ANKRD40: variants seen among roughly 807,000 people sequenced by gnomAD.
ANKRD40 encodes the protein ankyrin repeat domain 40.
ANKRD40 carries 24 observed loss-of-function variants against 35.5 expected under a neutral mutation model. That is an observed-to-expected ratio of 0.68 (90% CI 0.49 to 0.95). The LOEUF is 0.95. Among genes scored for constraint, ANKRD40 ranks in the 40% least tolerant of loss-of-function variants. The pLI is 0.00. For synonymous variants in ANKRD40, 147 were observed against 173.5 expected (o/e 0.85, Z 1.20); for missense variants, 361 against 436.0 (o/e 0.83, Z 1.53).
chr17:50,699,949 G>A (rs1968250387), intron 2 of ANKRD40, 56 bp from the exon 3 acceptor site: 1 of 1,404,312 alleles, frequency 7.1e-7, no homozygotes, highest in Admixed American at 3.0e-5. Context: ...ATCAAAACAA[G>A]GTGTCTTTTG....
In ANKRD40 at chr17:50,695,401, C is replaced by T. The variant is rs1968186982; in HGVS notation, c.*596G>A. On this transcript the variant is annotated 3_prime_UTR_variant, in exon 5 of 5. Coordinates refer to ENST00000285243, the MANE Select transcript of ANKRD40 (RefSeq NM_052855.4). ...TAACAGCATATTTACAATTAGTTAA[C>T]TGTATTCTTAAATACTTTTAACCTG... 1 of 152,648 alleles carries T rather than the reference C, an allele frequency of 6.6e-6. No individual in the cohort carries two copies. The highest frequency in any genetic ancestry group is 2.1e-4 in the South Asian group (1 of 4,832). The allele number at this position is 152,648 out of a possible 1,614,324, so 9.5% of individuals were successfully genotyped here. A position where few individuals can be genotyped will look rare whatever the true frequency, so the allele number is the denominator to read the frequency against.
rs1358696829 is a variant in ANKRD40 at position 50,699,543 on chromosome 17, G to T, written c.634C>A (p.Pro212Thr). 4 of 1,614,092 alleles carry T rather than the reference G, an allele frequency of 2.5e-6. No individual in the cohort carries two copies. The Admixed American group carries it at 6.7e-5, about 27-fold the overall frequency. Reference sequence around the variant, plus strand: ...AACAGGGAGCGGCTCTGACTCACTGGTGGCTGACAAACAGGACCCGGTTTT... The same window carrying T: ...AACAGGGAGCGGCTCTGACTCACTGTTGGCTGACAAACAGGACCCGGTTTT... ...STKPGPVCQP[P>T]VSQSRSLFSS... The change falls in exon 3 of 5, where the codon CCA becomes ACA. Residue 212 changes from proline (P) to threonine (T), a missense_variant. Transcript: ENST00000285243.
intron 1 of ANKRD40, among the ~76,000 whole-genome samples, chr17:50,705,649 AG>A (rs1428504074): frequency 6.8e-6 from 1 of 147,626 alleles, no homozygotes; most frequent in Non-Finnish European, 1.5e-5. Context: ...AGGTCCTACC[AG>A]GAAGATAGAC....
intron 2 of ANKRD40, 160 bp downstream of exon 2, chr17:50,700,408 A>G: frequency 1.4e-6 from 1 of 737,552 alleles, no homozygotes; most frequent in Non-Finnish European, 2.1e-6. Context: ...ACGCCACTGC[A>G]CTCCAGCCTG....
intron 1 of ANKRD40, among the ~76,000 whole-genome samples, chr17:50,704,592 A>G (rs896532354): frequency 3.3e-5 from 5 of 151,052 alleles, no homozygotes; most frequent in Non-Finnish European, 7.4e-5. Flanking sequence ...AACACCTCCT[A>G]TGGGGCAGAC....
chr17:50,707,670 G>C lies in ANKRD40; in HGVS notation c.-16C>G, dbSNP rs770775422. ...GGGCGTTCATCTTCCCACAGCCCCA[G>C]GCCCCCGCCCAGGCCCGCCTGCCCC... On this transcript the variant is annotated 5_prime_UTR_variant, in exon 1 of 5. Transcript: ENST00000285243. The surrounding 1 kb of genome is among the most constrained non-coding windows in gnomAD (Gnocchi z 4.8). 1 of 1,510,110 alleles carries C rather than the reference G, an allele frequency of 6.6e-7. No homozygotes were observed. The highest frequency in any genetic ancestry group is 1.2e-5 in the South Asian group (1 of 80,814). The allele number at this position is 1,510,110 out of a possible 1,614,324, so 93.5% of individuals were successfully genotyped here. A position where few individuals can be genotyped will look rare whatever the true frequency, so the allele number is the denominator to read the frequency against.
chr17:50,705,328 G>A (rs976438380), intron 1 of ANKRD40, among the ~76,000 whole-genome samples: 3 of 151,432 alleles, frequency 2.0e-5, no homozygotes, highest in Non-Finnish European at 2.9e-5. Context: ...ACACAACACC[G>A]CCTCCCAGTG....
chr17:50,694,748 C>T lies in ANKRD40; in HGVS notation c.*1249G>A, dbSNP rs1968176437. ...ATTTTTCAGAACAAAGTCTGGTAGA[C>T]TCATAACTGACTTTGTGAAGTGAAT... On this transcript the variant is annotated 3_prime_UTR_variant, in exon 5 of 5. Coordinates refer to ENST00000285243, the MANE Select transcript of ANKRD40 (RefSeq NM_052855.4). 1 of 152,176 alleles carries T rather than the reference C, an allele frequency of 6.6e-6. No homozygotes were observed. The allele number at this position is 152,176 out of a possible 1,614,324, so 9.4% of individuals were successfully genotyped here. A position where few individuals can be genotyped will look rare whatever the true frequency, so the allele number is the denominator to read the frequency against.
At position 50,707,588 on chromosome 17, in the gene ANKRD40, T is replaced by C. The variant is rs752810096; in HGVS notation, c.67A>G (p.Ile23Val). Residue 23 changes from isoleucine to valine, a missense_variant, in exon 1 of 5, where the codon ATT (isoleucine) becomes GTT (valine). Ile to Val is a conservative substitution (Grantham distance 29). Transcript: ENST00000285243. The surrounding 1 kb of genome is among the most constrained non-coding windows in gnomAD (Gnocchi z 4.8). ...RLREAAALGD[I>V]REVQKLVESG... ...TCCACCAGTTTCTGCACCTCCCGAA[T>C]GTCCCCTAAGGCCGCGGCCTCCCGC... The C allele has an allele frequency of 1.2e-6, 2 of 1,607,752 alleles. No homozygotes were observed. The highest frequency in any genetic ancestry group is 2.3e-5 in the East Asian group (1 of 43,706).
rs1968208001 is a variant in ANKRD40, at chr17:50,696,978, C to G, written c.922G>C (p.Glu308Gln). 1 of 1,612,732 alleles carries G rather than the reference C, an allele frequency of 6.2e-7. No individual in the cohort carries two copies. The highest frequency in any genetic ancestry group is 1.3e-5 in the African/African-American group (1 of 74,882). The change falls in exon 4 of 5, where the codon GAG becomes CAG. Residue 308 changes from glutamate to glutamine, a missense_variant. By Grantham distance (29) the Glu-to-Gln change is conservative. This residue lies in a region of ANKRD40 where 93 missense variants were observed against 129.6 expected (regional missense o/e 0.72). Coordinates refer to ENST00000285243, the MANE Select transcript of ANKRD40 (RefSeq NM_052855.4). Reference sequence around the variant, plus strand: ...GTATTGGGTAACTTTCTGATCTTCTCCACTTGATCTGGATTAACACCCAGC... The same window carrying G: ...GTATTGGGTAACTTTCTGATCTTCTGCACTTGATCTGGATTAACACCCAGC... The part of the protein sequence containing the change: ...CELGVNPDQV[E>Q]KIRKLPNTLL...
In ANKRD40 at chr17:50,695,796, T is replaced by G; in HGVS notation, c.*201A>C. 1.9e-6 allele frequency: 1 copy of G among 539,066 alleles called. No homozygotes were observed. Among genetic ancestry groups the G allele is most frequent in the East Asian group, 2.9e-5 (1 of 33,934 alleles). The allele number at this position is 539,066 out of a possible 1,614,324, so 33.4% of individuals were successfully genotyped here. ...TCAAAGCTTCAAGCAATAGGTTTAC[T>G]GTGCACCAAGAGGCTTGGAAGAGTG... On this transcript the variant is annotated 3_prime_UTR_variant, in exon 5 of 5. Transcript: ENST00000285243.
intron 3 of ANKRD40, among the ~76,000 whole-genome samples, chr17:50,697,604 A>G (rs1004108377): frequency 2.6e-5 from 4 of 152,230 alleles, no homozygotes; most frequent in Admixed American, 6.5e-5. Context: ...ACAGTAAAAG[A>G]GCCAAATGAC....
rs951679062 is a variant in ANKRD40, at chr17:50,695,311, C to T, written c.*686G>A. 6 of 152,146 alleles carry T rather than the reference C, an allele frequency of 3.9e-5. No individual in the cohort carries two copies. Among genetic ancestry groups the T allele is most frequent in the Non-Finnish European group, 4.4e-5 (3 of 68,058 alleles). The allele number at this position is 152,146 out of a possible 1,614,324, so 9.4% of individuals were successfully genotyped here. A position where few individuals can be genotyped will look rare whatever the true frequency, so the allele number is the denominator to read the frequency against. ...AAGGGGAGTTAATGCAGAGATGACT[C>T]GAGACAGAGAAGCAGTCATGAGTGT... On this transcript the variant is annotated 3_prime_UTR_variant, in exon 5 of 5. Transcript: ENST00000285243.
chr17:50,696,836 T>G, intron 4 of ANKRD40, 104 bp downstream of exon 4: 1 of 1,104,042 alleles, frequency 9.1e-7, no homozygotes, highest in Non-Finnish European at 1.3e-6. Context: ...CTTTGCTCCT[T>G]TTCTATTCTT....
At chr17:50,704,590 C>CT (rs1006271218) in intron 1 of ANKRD40, among the ~76,000 whole-genome samples, 256 of 151,788 alleles carry the variant, frequency 1.7e-3, no homozygotes, top group Non-Finnish European at 2.8e-3. Context: ...TAAACACCTC[C>CT]TATGGGGCAG....
intron 3 of ANKRD40, among the ~76,000 whole-genome samples, chr17:50,698,824 G>A (rs1292056488): frequency 1.3e-5 from 2 of 151,868 alleles, no homozygotes; most frequent in African/African-American, 4.8e-5. Context: ...CTCAAATTTG[G>A]TCATTTGTAC....
At chr17:50,700,410 T>G in intron 2 of ANKRD40, 158 bp downstream of exon 2, 1 of 773,948 alleles carries the variant, frequency 1.3e-6, no homozygotes, top group South Asian at 2.1e-5. Flanking sequence ...GCCACTGCAC[T>G]CCAGCCTGGG....
chr17:50,696,226 G>T, intron 4 of ANKRD40, 83 bp from the exon 5 acceptor site: 1 of 1,406,188 alleles, frequency 7.1e-7, no homozygotes, highest in Non-Finnish European at 9.5e-7. Context: ...CCAGTATCTT[G>T]TCTTATTTCA....
At chr17:50,698,054 G>A (rs1390782800) in intron 3 of ANKRD40, among the ~76,000 whole-genome samples, 1 of 151,630 alleles carries the variant, frequency 6.6e-6, no homozygotes, top group Admixed American at 6.6e-5. Context: ...TGATATACCT[G>A]TAGCAATGAG....
Sources: allele counts gnomAD v4.1 joint callset (sites outside exome capture counted in the v4.1 genomes callset), GRCh38; gene constraint gnomAD v4.1.1; regional missense constraint gnomAD v4.1.1; non-coding constraint Gnocchi (gnomAD v3.1); transcripts MANE v1.5; gene names NCBI Gene and HGNC (gene_info 2026-07-23, HGNC 2026-07-21).